LAMA1: variants seen among roughly 807,000 people sequenced by gnomAD.
The protein encoded by LAMA1 is laminin subunit alpha-1.
LAMA1 carries 219 observed loss-of-function variants against 348.7 expected under a neutral mutation model. The observed-to-expected ratio is 0.63, with a 90% confidence interval of 0.56 to 0.70. The LOEUF (loss-of-function observed/expected upper bound fraction) is 0.70. LAMA1 is among the 30% of genes least tolerant of loss of function. The pLI, the probability that LAMA1 is intolerant of heterozygous loss-of-function variation, is 0.00. For missense variants in LAMA1, 3,744 were observed against 3,888.0 expected (o/e 0.96, Z 0.99); for synonymous variants, 1,487 against 1,491.0 (o/e 1.00, Z 0.06).
At chr18:7,040,014 AAC>A in intron 10 of LAMA1, 60 bp downstream of exon 10, 1 of 1,591,598 alleles carries the variant, frequency 6.3e-7, no homozygotes. Context: ...GCCAATGGAA[AAC>A]ACTCCTTTTC....
intron 36 of LAMA1, among the ~76,000 whole-genome samples, chr18:6,988,004 C>T (rs980868104): frequency 2.6e-5 from 4 of 152,106 alleles, no homozygotes; most frequent in African/African-American, 7.2e-5. Flanking sequence ...GTCCCAGCTA[C>T]CCAGGAGGCT....
chr18:7,058,729 A>G (rs1477552173), intron 3 of LAMA1, among the ~76,000 whole-genome samples: 2 of 152,186 alleles, frequency 1.3e-5, no homozygotes, highest in Admixed American at 6.5e-5. Flanking sequence ...AGCCTCCAGA[A>G]CTGTGAGGAC....
At chr18:7,096,041 C>T (rs769792479) in intron 1 of LAMA1, among the ~76,000 whole-genome samples, 6 of 152,230 alleles carry the variant, frequency 3.9e-5, no homozygotes, top group Non-Finnish European at 8.8e-5. Flanking sequence ...GCGCTCCAGC[C>T]CAGGCAACAG....
At position 7,005,125 on chromosome 18, in the gene LAMA1, G is replaced by A. The variant is rs188627178; in HGVS notation, c.4260+2014C>T. On this transcript the variant is annotated intron_variant, in intron 29 of 62. Coordinates refer to ENST00000389658, the MANE Select transcript of LAMA1 (RefSeq NM_005559.4). Reference sequence around the variant, plus strand: ...AACGGACCCACGACCACTCCATCTGGCCTCCAGGCATGTGAGGGTACGTGA... The same window carrying A: ...AACGGACCCACGACCACTCCATCTGACCTCCAGGCATGTGAGGGTACGTGA... Among the ~76,000 whole-genome samples the A allele has an allele frequency of 2.6e-5, 4 of 152,314 alleles. No homozygotes were observed. The East Asian group carries it at 7.7e-4, about 29-fold the overall frequency.
chr18:7,094,279 C>G (rs1285715318), intron 1 of LAMA1, among the ~76,000 whole-genome samples: 1 of 151,642 alleles, frequency 6.6e-6, no homozygotes, highest in Non-Finnish European at 1.5e-5. Context: ...AAAAAATGAG[C>G]CGCGCGTGGT....
chr18:6,955,229 T>G, intron 57 of LAMA1, 124 bp downstream of exon 57: 1 of 765,578 alleles, frequency 1.3e-6, no homozygotes, highest in South Asian at 1.5e-5. Context: ...TGCCATTTGG[T>G]TGCAAATCAA....
chr18:7,018,086 A>AGCACTTT (rs2057897113), intron 19 of LAMA1, among the ~76,000 whole-genome samples: 1 of 152,104 alleles, frequency 6.6e-6, no homozygotes, highest in Non-Finnish European at 1.5e-5. Flanking sequence ...CTGTAATCCC[A>AGCACTTT]GCACTTTGGG....
intron 57 of LAMA1, chr18:6,953,752 T>G (rs1463178636): frequency 6.6e-6 from 1 of 152,238 alleles, no homozygotes; most frequent in Non-Finnish European, 1.5e-5. Context: ...AATCTTTGTG[T>G]CAACCTCCAG....
rs938599125 is a variant in LAMA1 at position 6,942,040 on chromosome 18, A to G, written c.*39T>C. The G allele has an allele frequency of 6.2e-6, 10 of 1,611,618 alleles. No individual in the cohort carries two copies. In the African/African-American group the frequency reaches 1.3e-4, roughly 22 times the overall value. ...ATTCACACATACACTTCTCCTCAAA[A>G]TATTAGCAATGATTCCAACTGAGGA... On this transcript the variant is annotated 3_prime_UTR_variant, in exon 63 of 63. Transcript: ENST00000389658.
intron 49 of LAMA1, chr18:6,965,702 C>A: frequency 2.0e-6 from 1 of 490,570 alleles, no homozygotes; most frequent in Admixed American, 3.5e-5. Flanking sequence ...TTCATTGAGA[C>A]TGACAAGGGG....
chr18:7,100,058 CAA>C (rs3038921), intron 1 of LAMA1, among the ~76,000 whole-genome samples: 1 of 79,702 alleles, frequency 1.3e-5, no homozygotes, highest in Non-Finnish European at 2.4e-5. Flanking sequence ...GACTTTGTCT[CAA>C]AAAAAAAAAA....
rs758586817 is a variant in LAMA1 at position 7,036,057 on chromosome 18, G to T, written c.1769C>A (p.Thr590Lys). 37 of 1,613,966 alleles carry T rather than the reference G, an allele frequency of 2.3e-5. 1 individual carries two copies. In the South Asian group the frequency reaches 3.7e-4, roughly 16 times the overall value. Residue 590 changes from threonine to lysine, a missense_variant, in exon 13 of 63, where the codon ACG becomes AAG. This residue lies in a region of LAMA1 where 1,529 missense variants were observed against 1,689.4 expected (regional missense o/e 0.91). Coordinates refer to ENST00000389658, the MANE Select transcript of LAMA1 (RefSeq NM_005559.4). ...CTCTACCGGAATATCGTAGGACACC[G>T]TGTATTTCAGGAATCCGCCAAACGC... The part of the protein sequence containing the change: ...LTAFGGFLKY[T>K]VSYDIPVETV...
At chr18:6,997,326 T>G (rs1186471113) in intron 33 of LAMA1, among the ~76,000 whole-genome samples, 1 of 152,184 alleles carries the variant, frequency 6.6e-6, no homozygotes, top group African/African-American at 2.4e-5. Context: ...CCCCCCAAAG[T>G]GCTGGGATGC....
intron 8 of LAMA1, chr18:7,042,509 G>A (rs1020127574): frequency 2.0e-5 from 8 of 409,456 alleles, no homozygotes; most frequent in African/African-American, 6.1e-5. Flanking sequence ...AGCCCCCCTC[G>A]CGCTGCTGTC....
At chr18:7,068,201 T>C (rs1256856079) in intron 3 of LAMA1, among the ~76,000 whole-genome samples, 3 of 152,156 alleles carry the variant, frequency 2.0e-5, no homozygotes, top group South Asian at 4.1e-4. Flanking sequence ...GTGTTCTCTG[T>C]GCACCCCCGG....
intron 13 of LAMA1, among the ~76,000 whole-genome samples, chr18:7,035,730 A>G (rs948751844): frequency 2.0e-5 from 3 of 152,096 alleles, no homozygotes; most frequent in Non-Finnish European, 1.5e-5. Flanking sequence ...TTTCTTTTTA[A>G]ATGTGAAAAG....
intron 16 of LAMA1, among the ~76,000 whole-genome samples, chr18:7,028,711 C>A (rs1209033383): frequency 6.6e-6 from 1 of 152,180 alleles, no homozygotes; most frequent in Non-Finnish European, 1.5e-5. Context: ...TATGAAAAAC[C>A]TTCCCCCCCT....
Position 7,056,005 on chromosome 18 carries a change from G to A in LAMA1, c.346-5069C>T, listed in dbSNP as rs142344260. Among the ~76,000 whole-genome samples the A allele has an allele frequency of 1.7e-3, 257 of 152,024 alleles. 1 individual carries two copies. The highest frequency in any genetic ancestry group is 6.0e-3 in the African/African-American group (247 of 41,456). On this transcript the variant is annotated intron_variant, in intron 3 of 62. Transcript: ENST00000389658. ...TGAGGCAGGAGAATGGCGTGAACCC[G>A]GGAGGCAGAGCTTGCAGTGAGTGGA...
intron 6 of LAMA1, among the ~76,000 whole-genome samples, 185 bp from the exon 7 acceptor site, chr18:7,045,024 C>T (rs112695983): frequency 1.3e-5 from 2 of 152,052 alleles, no homozygotes; most frequent in Admixed American, 1.3e-4. Flanking sequence ...AACCTGGTTA[C>T]AAACAGAAAT....
Sources: gnomAD v4.1 joint callset for allele counts (sites outside exome capture counted in the v4.1 genomes callset) on GRCh38, gnomAD v4.1.1 for gene constraint, gnomAD v4.1.1 regional missense constraint, MANE v1.5 for transcripts, NCBI Gene and HGNC (gene_info 2026-07-23, HGNC 2026-07-21) for gene names.